Variants in WDR19 observed in about 807,000 individuals in gnomAD.
WDR19 encodes the protein WD repeat-containing protein 19.
Under a neutral mutation model 180.0 loss-of-function variants are expected in WDR19, and 121 were observed. The observed-to-expected ratio is 0.67, with a 90% CI of 0.58 to 0.78. The LOEUF (loss-of-function observed/expected upper bound fraction) is 0.78. Among genes scored for constraint, WDR19 ranks in the 30% least tolerant of loss-of-function variants. The pLI is 0.00. For synonymous variants in WDR19, 497 were observed against 540.7 expected, an observed-to-expected ratio of 0.92 and a Z score of 1.12; for missense variants, 1,450 against 1,640.7, an observed-to-expected ratio of 0.88 and a Z score of 2.01.
At chr4:39,273,305 G>A (rs1735564108) in intron 32 of WDR19, 6 of 488,704 alleles carry the variant, frequency 1.2e-5, no homozygotes, top group Non-Finnish European at 2.1e-5. Flanking sequence ...AGGATCTGAG[G>A]CAAAATGAGC....
At position 39,277,161 on chromosome 4, in the gene WDR19, A is replaced by G; in HGVS notation, c.3840+18A>G. 1 of 1,580,670 alleles carries G rather than the reference A, an allele frequency of 6.3e-7. No individual in the cohort carries two copies. Among genetic ancestry groups the G allele is most frequent in the African/African-American group, 1.4e-5 (1 of 73,402 alleles). On this transcript the variant is annotated intron_variant, in intron 34 of 36. Transcript: ENST00000399820. Reference sequence around the variant, plus strand: ...TTGCAACAGTGAGTTCCTTTATAGTAATTTCCCTTTCTTTGCATATATATT... The same window carrying G: ...TTGCAACAGTGAGTTCCTTTATAGTGATTTCCCTTTCTTTGCATATATATT...
intron 4 of WDR19, among the ~76,000 whole-genome samples, chr4:39,190,076 A>G (rs1020859079): frequency 1.3e-5 from 2 of 152,226 alleles, no homozygotes; most frequent in African/African-American, 4.8e-5. Context: ...GGCTAGATCT[A>G]GGAGTTATAA....
intron 28 of WDR19, among the ~76,000 whole-genome samples, chr4:39,260,251 G>A (rs528932373): frequency 6.6e-6 from 1 of 151,964 alleles, no homozygotes; most frequent in East Asian, 1.9e-4. Flanking sequence ...ATCAGATATG[G>A]ATGATATTTC....
intron 5 of WDR19, among the ~76,000 whole-genome samples, chr4:39,195,374 AAAAACAAAAAAAC>A (rs1274428126): frequency 2.3e-5 from 3 of 131,308 alleles, no homozygotes; most frequent in African/African-American, 6.3e-5. Flanking sequence ...CTCAAAAAAA[AAAAACAAAAAAAC>A]AAACAAACAA....
At chr4:39,245,094 T>C (rs1449847557) in intron 23 of WDR19, among the ~76,000 whole-genome samples, 1 of 150,756 alleles carries the variant, frequency 6.6e-6, no homozygotes, top group Non-Finnish European at 1.5e-5. Context: ...GCTGCCACAA[T>C]GCCTGGCTAA....
rs547317070 is a variant in WDR19, at chr4:39,266,160, C to T, written c.3261+20C>T. 6.7e-5 allele frequency: 103 copies of T among 1,528,136 alleles called. No homozygotes were observed. The East Asian group carries it at 2.4e-3, about 35-fold the overall frequency. The allele number at this position is 1,528,136 out of a possible 1,614,324, so 94.7% of individuals were successfully genotyped here. On this transcript the variant is annotated intron_variant, in intron 29 of 36. Coordinates refer to ENST00000399820, the MANE Select transcript of WDR19 (RefSeq NM_025132.4). ...CCTAAGGTACTGAACACGTGGGCTTCGTGTGCATCCTCAGGTCTCAGTTAC... is the reference window on the plus strand; with the variant it reads ...CCTAAGGTACTGAACACGTGGGCTTTGTGTGCATCCTCAGGTCTCAGTTAC...
At chr4:39,202,201 C>CT (rs1208751243) in intron 6 of WDR19, among the ~76,000 whole-genome samples, 2 of 152,106 alleles carry the variant, frequency 1.3e-5, no homozygotes, top group Admixed American at 6.6e-5. Flanking sequence ...ATAGTTTTAT[C>CT]TTTTTATCAC....
chr4:39,256,803 T>C (rs1378110037), intron 27 of WDR19, among the ~76,000 whole-genome samples: 2 of 152,116 alleles, frequency 1.3e-5, no homozygotes, highest in Non-Finnish European at 2.9e-5. Context: ...CAGGCCTTCA[T>C]CCATCCTGTT....
At chr4:39,247,643 T>C (rs756826891) in intron 24 of WDR19, among the ~76,000 whole-genome samples, 3 of 152,088 alleles carry the variant, frequency 2.0e-5, no homozygotes, top group Admixed American at 6.6e-5. Context: ...GAATAACCAA[T>C]GCAGAGAAGT....
rs531192667 is a variant in WDR19, at chr4:39,222,931, T to C, written c.1480-1953T>C. Reference sequence around the variant, plus strand: ...AACTTGTTCTCCATTTCCATAATTTTGCCATTTCAATAATGTGTAAATGGA... The same window carrying C: ...AACTTGTTCTCCATTTCCATAATTTCGCCATTTCAATAATGTGTAAATGGA... On this transcript the variant is annotated intron_variant, in intron 14 of 36. Coordinates refer to ENST00000399820, the MANE Select transcript of WDR19 (RefSeq NM_025132.4). Among the ~76,000 whole-genome samples the C allele has an allele frequency of 2.2e-3, 334 of 152,340 alleles. 1 individual carries two copies. The highest frequency in any genetic ancestry group is 3.0e-3 in the Non-Finnish European group (201 of 68,032).
At chr4:39,186,699 T>TTAAAGA in intron 3 of WDR19, 95 bp downstream of exon 3, 1 of 838,956 alleles carries the variant, frequency 1.2e-6, no homozygotes, top group Non-Finnish European at 1.8e-6. Context: ...GATGGAATCT[T>TTAAAGA]TTGCTTCTTC....
At chr4:39,225,104 A>G (rs1018900821) in intron 15 of WDR19, 71 bp downstream of exon 15, 8 of 1,270,886 alleles carry the variant, frequency 6.3e-6, no homozygotes, top group South Asian at 2.1e-5. Context: ...TTTAAAGCCT[A>G]TCTCATGTAA....
chr4:39,234,662 A>G, intron 19 of WDR19, 104 bp from the exon 20 acceptor site: 1 of 739,458 alleles, frequency 1.4e-6, no homozygotes, highest in Non-Finnish European at 2.4e-6. Context: ...TTCATTATTT[A>G]AACAAAAAGG....
At chr4:39,221,756 A>G (rs1729726313) in intron 14 of WDR19, among the ~76,000 whole-genome samples, 1 of 152,234 alleles carries the variant, frequency 6.6e-6, no homozygotes, top group South Asian at 2.1e-4. Context: ...TTTCATATAA[A>G]TGGAAACATA....
At chr4:39,272,935 C>A in intron 31 of WDR19, 45 bp from the exon 32 acceptor site, 2 of 1,457,132 alleles carry the variant, frequency 1.4e-6, no homozygotes, top group Non-Finnish European at 1.9e-6. Flanking sequence ...TGAATTGGGG[C>A]TAATCAATGA....
chr4:39,281,232 T>TAGAG (rs542816951), intron 36 of WDR19, among the ~76,000 whole-genome samples: 1,156 of 100,902 alleles, frequency 0.011, 13 homozygotes, highest in Non-Finnish European at 0.015. Flanking sequence ...TATATATATA[T>TAGAG]ATATAGAGAG....
Position 39,244,255 on chromosome 4 carries a change from A to G in WDR19, c.2429A>G (p.Asp810Gly), listed in dbSNP as rs886059400. ...KGITGDNKEH[D>G]EACLAGVAQM... ...TTTGCCTTGTGATTGCAGGAACATGATGAAGCTTGTCTGGCTGGAGTGGCC... is the reference window on the plus strand; with the variant it reads ...TTTGCCTTGTGATTGCAGGAACATGGTGAAGCTTGTCTGGCTGGAGTGGCC... The change falls in exon 22 of 37, where the codon GAT becomes GGT. Residue 810 changes from aspartate (D) to glycine (G), a missense_variant. Transcript: ENST00000399820. The G allele has an allele frequency of 1.2e-6, 2 of 1,611,028 alleles. No homozygotes were observed. The highest frequency in any genetic ancestry group is 1.7e-6 in the Non-Finnish European group (2 of 1,177,804).
At chr4:39,279,696 CTTACT>C (rs1248959504) in intron 36 of WDR19, among the ~76,000 whole-genome samples, 2 of 129,230 alleles carry the variant, frequency 1.5e-5, no homozygotes, top group African/African-American at 5.9e-5. Context: ...TGCTGTCTGC[CTTACT>C]TTTTTTTTTT....
chr4:39,245,494 T>C (rs1265673708), intron 24 of WDR19, 42 bp downstream of exon 24: 2 of 1,574,298 alleles, frequency 1.3e-6, no homozygotes, highest in Non-Finnish European at 1.7e-6. Flanking sequence ...TAAAGTAATG[T>C]AAGCTTTACA....
Sources: gnomAD v4.1 joint callset for allele counts (sites outside exome capture counted in the v4.1 genomes callset) on GRCh38, gnomAD v4.1.1 for gene constraint, MANE v1.5 for transcripts, NCBI Gene and HGNC (gene_info 2026-07-23, HGNC 2026-07-21) for gene names.